The following ADGRB3 variants were observed in gnomAD, a reference collection of about 807,000 sequenced individuals.
ADGRB3 encodes the protein brain-specific angiogenesis inhibitor 3.
In ADGRB3, 37 loss-of-function variants were observed where a neutral mutation model predicts 193.4. That is an observed-to-expected ratio of 0.19 (90% CI 0.15 to 0.25). ADGRB3 has a LOEUF of 0.25. Among genes scored for constraint, ADGRB3 ranks in the 10% least tolerant of loss-of-function variants. ADGRB3 has a pLI of 1.00. For synonymous variants in ADGRB3, 690 were observed against 644.2 expected, an observed-to-expected ratio of 1.07 and a Z score of -1.08; for missense variants, 1,637 against 1,852.9, an observed-to-expected ratio of 0.88 and a Z score of 2.14.
intron 29 of ADGRB3, among the ~76,000 whole-genome samples, chr6:69,369,296 C>T (rs867266954): frequency 1.3e-4 from 20 of 152,116 alleles, no homozygotes; most frequent in Non-Finnish European, 2.8e-4. Context: ...GAAAGACTTT[C>T]CAATACACTG....
intron 26 of ADGRB3, among the ~76,000 whole-genome samples, chr6:69,351,336 G>T (rs561114722): frequency 2.0e-5 from 3 of 150,744 alleles, no homozygotes; most frequent in African/African-American, 7.3e-5. Context: ...CTCATGTTCC[G>T]CCCGCCTTGC....
rs566669241 is a variant in ADGRB3 at position 68,891,185 on chromosome 6, C to G, written c.758-39374C>G. On this transcript the variant is annotated intron_variant, in intron 3 of 31. Transcript: ENST00000370598. The stretch of plus-strand genomic sequence containing the variant: ...ATTATCAGATCTTGTGAGACTTACT[C>G]ACTATTACAAGAACAGCACGGGAAA... Among the ~76,000 whole-genome samples the G allele has an allele frequency of 3.9e-5, 6 of 152,186 alleles. 1 individual carries two copies. In the South Asian group the frequency reaches 1.2e-3, roughly 32 times the overall value.
chr6:68,754,739 T>TAA lies in ADGRB3; in HGVS notation c.757+115317_757+115318dup, dbSNP rs11450503. On this transcript the variant is annotated intron_variant, in intron 3 of 31. Transcript: ENST00000370598. Reference sequence around the variant, plus strand: ...GTCATGGGTGGAGAATAAGGAAATTTAAAAAAAAAAACAGCATTAGAAAGG... The same window carrying TAA: ...GTCATGGGTGGAGAATAAGGAAATTTAAAAAAAAAAAAACAGCATTAGAAAGG... Among the ~76,000 whole-genome samples, 185 of 150,374 alleles carry TAA rather than the reference T, an allele frequency of 1.2e-3. 1 individual carries two copies. The highest frequency in any genetic ancestry group is 7.1e-3 in the East Asian group (36 of 5,090).
chr6:69,042,572 A>G (rs1771103609), intron 13 of ADGRB3, among the ~76,000 whole-genome samples: 1 of 152,240 alleles, frequency 6.6e-6, no homozygotes, highest in Admixed American at 6.5e-5. Context: ...GATTCAGTTC[A>G]GTCCCTGTGT....
chr6:68,821,312 G>T (rs1767744401), intron 3 of ADGRB3, among the ~76,000 whole-genome samples: 1 of 151,826 alleles, frequency 6.6e-6, no homozygotes, highest in Non-Finnish European at 1.5e-5. Context: ...AAAAGTCAGG[G>T]ATTTTACATA....
intron 3 of ADGRB3, among the ~76,000 whole-genome samples, chr6:68,695,451 A>C (rs1163836520): frequency 6.6e-6 from 1 of 152,064 alleles, no homozygotes; most frequent in Non-Finnish European, 1.5e-5. Context: ...GAACAAATCT[A>C]AACTTTCAGC....
intron 3 of ADGRB3, among the ~76,000 whole-genome samples, chr6:68,717,110 T>G (rs1765501870): frequency 6.6e-6 from 1 of 151,692 alleles, no homozygotes; most frequent in African/African-American, 2.4e-5. Context: ...TACCACTACA[T>G]TTTATAACAT....
chr6:68,846,881 T>C (rs1384905911), intron 3 of ADGRB3, among the ~76,000 whole-genome samples: 1 of 152,100 alleles, frequency 6.6e-6, no homozygotes, highest in African/African-American at 2.4e-5. Context: ...GACCCCAGAA[T>C]GGTAGATCCG....
intron 3 of ADGRB3, among the ~76,000 whole-genome samples, chr6:68,762,618 A>G (rs1411400659): frequency 6.6e-6 from 1 of 152,128 alleles, no homozygotes; most frequent in African/African-American, 2.4e-5. Flanking sequence ...AAACAATAAA[A>G]TAAGTCATAA....
At chr6:68,956,871 A>G in intron 8 of ADGRB3, 62 bp downstream of exon 8, 1 of 1,564,948 alleles carries the variant, frequency 6.4e-7, no homozygotes, top group Non-Finnish European at 8.7e-7. Flanking sequence ...AAAAAGATTT[A>G]AAAATATTGT....
intron 3 of ADGRB3, among the ~76,000 whole-genome samples, chr6:68,765,972 TTAA>T (rs1170736005): frequency 1.3e-5 from 2 of 152,062 alleles, no homozygotes; most frequent in African/African-American, 2.4e-5. Context: ...TTGGTATACC[TTAA>T]TAATAGCTTG....
chr6:68,735,475 A>T (rs796123838), intron 3 of ADGRB3, among the ~76,000 whole-genome samples: 10 of 152,160 alleles, frequency 6.6e-5, no homozygotes, highest in Admixed American at 2.6e-4. Flanking sequence ...AATAGAAAAG[A>T]TATCTATTAA....
chr6:69,211,068 G>A (rs997226163), intron 17 of ADGRB3, among the ~76,000 whole-genome samples: 4 of 152,202 alleles, frequency 2.6e-5, no homozygotes, highest in African/African-American at 9.6e-5. Context: ...CTTGCAGTGA[G>A]CTGAGATCAC....
At chr6:69,320,866 C>G (rs1185259817) in intron 20 of ADGRB3, among the ~76,000 whole-genome samples, 1 of 128,330 alleles carries the variant, frequency 7.8e-6, no homozygotes, top group African/African-American at 2.9e-5. Context: ...TCTTTAGTCT[C>G]TCCTACGCCG....
intron 28 of ADGRB3, among the ~76,000 whole-genome samples, chr6:69,357,167 G>T (rs2127329524): frequency 6.6e-6 from 1 of 152,014 alleles, no homozygotes; most frequent in African/African-American, 2.4e-5. Flanking sequence ...AAATTATCGT[G>T]CTCAAATATA....
intron 17 of ADGRB3, among the ~76,000 whole-genome samples, chr6:69,207,518 A>G (rs546890487): frequency 6.6e-6 from 1 of 152,304 alleles, no homozygotes; most frequent in Admixed American, 6.5e-5. Flanking sequence ...CTGGATCCCT[A>G]GAAATTTTAC....
intron 10 of ADGRB3, among the ~76,000 whole-genome samples, chr6:68,988,535 C>T (rs2150272506): frequency 6.6e-6 from 1 of 152,138 alleles, no homozygotes; most frequent in East Asian, 1.9e-4. Context: ...ATGACTTCTG[C>T]ATAAACTATA....
chr6:69,120,834 A>T (rs1375752645), intron 17 of ADGRB3, among the ~76,000 whole-genome samples: 1 of 152,206 alleles, frequency 6.6e-6, no homozygotes, highest in Non-Finnish European at 1.5e-5. Flanking sequence ...ATCACAAAGC[A>T]GATTGATGGT....
chr6:69,349,713 G>A (rs892475726), intron 26 of ADGRB3, among the ~76,000 whole-genome samples: 3 of 152,210 alleles, frequency 2.0e-5, no homozygotes, highest in South Asian at 2.1e-4. Context: ...CTTCTCCCCC[G>A]AAGGAAAAAT....
Sources: gnomAD v4.1 joint callset for allele counts (sites outside exome capture counted in the v4.1 genomes callset) on GRCh38, gnomAD v4.1.1 for gene constraint, MANE v1.5 for transcripts, NCBI Gene and HGNC (gene_info 2026-07-23, HGNC 2026-07-21) for gene names.